Variants in ADGRL4 observed in about 807,000 individuals in gnomAD.
The protein encoded by ADGRL4 is EGF, latrophilin and seven transmembrane domain containing 1.
In ADGRL4, 90 loss-of-function variants were observed where a neutral mutation model predicts 74.8. That is an observed-to-expected ratio of 1.20 (90% CI 1.02 to 1.43). The LOEUF (loss-of-function observed/expected upper bound fraction) is 1.43. ADGRL4 is among the 40% of genes most tolerant of loss of function. The pLI, the probability that ADGRL4 is intolerant of heterozygous loss-of-function variation, is 0.00. For synonymous variants in ADGRL4, 311 were observed against 279.2 expected (o/e 1.11, Z -1.14); for missense variants, 881 against 814.3 (o/e 1.08, Z -1.00).
rs938384847 is a variant in ADGRL4 at position 78,891,641 on chromosome 1, C to T, written c.1893G>A (p.Trp631Ter). The T allele has an allele frequency of 1.9e-6, 3 of 1,613,186 alleles. No individual in the cohort carries two copies. The highest frequency in any genetic ancestry group is 2.5e-6 in the Non-Finnish European group (3 of 1,179,578). Residue 631 changes from tryptophan to a stop codon, truncating the protein, a stop_gained, in exon 14 of 15, where the codon TGG (tryptophan) becomes TGA (stop). Coordinates refer to ENST00000370742, the MANE Select transcript of ADGRL4 (RefSeq NM_022159.4). LOFTEE classifies it high-confidence loss of function. Reference protein sequence around the residue: ...LALLFLLGTTWIFGVLHVVHA... With the variant: ...LALLFLLGTT ...GCACAACATGGAGAACCCCAAAGAT[C>T]CAGGTGGTGCCGAGAAGGAACAGAA...
intron 2 of ADGRL4, among the ~76,000 whole-genome samples, chr1:78,978,976 C>A (rs4650622): frequency 0.029 from 4,429 of 151,820 alleles, 103 homozygotes; most frequent in Non-Finnish European, 0.04. Context: ...ACACTAGCAG[C>A]AGCAATTTTT....
intron 8 of ADGRL4, among the ~76,000 whole-genome samples, chr1:78,922,627 T>G (rs1255008818): frequency 6.6e-6 from 1 of 152,032 alleles, no homozygotes; most frequent in Non-Finnish European, 1.5e-5. Flanking sequence ...ATAAAAACTA[T>G]TTAGTTATAT....
intron 2 of ADGRL4, among the ~76,000 whole-genome samples, chr1:78,956,960 A>T (rs1296870744): frequency 4.1e-4 from 62 of 152,124 alleles, no homozygotes; most frequent in Admixed American, 4.1e-3. Flanking sequence ...CGCTCACTTC[A>T]AGTCTGTGTC....
intron 2 of ADGRL4, among the ~76,000 whole-genome samples, chr1:78,952,608 C>T (rs1649753245): frequency 6.6e-6 from 1 of 151,906 alleles, no homozygotes; most frequent in African/African-American, 2.4e-5. Context: ...TCAGTCAAGA[C>T]AAATAATAGA....
At chr1:78,958,791 G>A (rs1288856451) in intron 2 of ADGRL4, among the ~76,000 whole-genome samples, 1 of 152,178 alleles carries the variant, frequency 6.6e-6, no homozygotes, top group Non-Finnish European at 1.5e-5. Context: ...GATATTCCAT[G>A]GGTAAAGTGC....
chr1:78,972,682 C>T (rs1382593312), intron 2 of ADGRL4, among the ~76,000 whole-genome samples: 4 of 152,144 alleles, frequency 2.6e-5, no homozygotes, highest in Admixed American at 6.6e-5. Flanking sequence ...TGCTTATTGC[C>T]GAAGCATTCT....
chr1:78,900,177 G>A (rs1037459264), intron 12 of ADGRL4, among the ~76,000 whole-genome samples: 1 of 152,198 alleles, frequency 6.6e-6, no homozygotes, highest in East Asian at 1.9e-4. Context: ...TTGAGTAGGA[G>A]CCCCGTCTCA....
chr1:78,916,337 T>C (rs1382734011), intron 12 of ADGRL4, among the ~76,000 whole-genome samples: 1 of 151,892 alleles, frequency 6.6e-6, no homozygotes, highest in Non-Finnish European at 1.5e-5. Flanking sequence ...ATGGCAAAGA[T>C]GGATTTTCCT....
chr1:79,002,146 A>G (rs1043483929), intron 2 of ADGRL4, among the ~76,000 whole-genome samples: 1 of 152,120 alleles, frequency 6.6e-6, no homozygotes, highest in East Asian at 1.9e-4. Context: ...AGATAAATGC[A>G]TGAAAATTAT....
Position 78,891,531 on chromosome 1 carries a change from G to A in ADGRL4, c.2003C>T (p.Ser668Phe), listed in dbSNP as rs1648273391. ...MFIFLFLCVL[S>F]RKIQEEYYRL... The stretch of plus-strand genomic sequence containing the variant: ...AAATAAGAAATTGTTTACCTTTCTA[G>A]ATAAAACACACAGGAATAAAAAAAT... Residue 668 changes from serine (S) to phenylalanine (F), a missense_variant, in exon 14 of 15, where the codon TCT (serine) becomes TTT (phenylalanine). By Grantham distance (155) the Ser-to-Phe change is radical. Coordinates refer to ENST00000370742, the MANE Select transcript of ADGRL4 (RefSeq NM_022159.4). The A allele has an allele frequency of 3.7e-6, 6 of 1,612,466 alleles. No homozygotes were observed. The highest frequency in any genetic ancestry group is 5.1e-6 in the Non-Finnish European group (6 of 1,179,416).
chr1:78,936,182 A>G, intron 7 of ADGRL4, 113 bp downstream of exon 7: 1 of 1,105,190 alleles, frequency 9.0e-7, no homozygotes, highest in Non-Finnish European at 1.3e-6. Context: ...ACATACATCA[A>G]ATGTTTTTAT....
At chr1:78,987,287 C>A (rs1359180555) in intron 2 of ADGRL4, among the ~76,000 whole-genome samples, 1 of 151,742 alleles carries the variant, frequency 6.6e-6, no homozygotes, top group Non-Finnish European at 1.5e-5. Flanking sequence ...AAACGCACTC[C>A]AAAGTGTGTG....
intron 2 of ADGRL4, among the ~76,000 whole-genome samples, chr1:78,993,137 A>G (rs923639496): frequency 3.3e-5 from 5 of 152,140 alleles, no homozygotes; most frequent in Non-Finnish European, 7.4e-5. Context: ...TTGAGGATGT[A>G]CACAATATTT....
At chr1:78,939,346 TTATTTAAA>T in intron 3 of ADGRL4, 88 bp from the exon 4 acceptor site, 1 of 1,209,276 alleles carries the variant, frequency 8.3e-7, no homozygotes, top group East Asian at 3.1e-5. Flanking sequence ...TCTTTCTCAC[TTATTTAAA>T]TATTAAAAAG....
intron 6 of ADGRL4, among the ~76,000 whole-genome samples, chr1:78,936,735 T>C (rs1428130335): frequency 6.6e-6 from 1 of 152,202 alleles, no homozygotes; most frequent in Non-Finnish European, 1.5e-5. Flanking sequence ...GCTTACAGAA[T>C]AGTGTCTACA....
chr1:78,899,752 T>G (rs1207380042), intron 12 of ADGRL4, among the ~76,000 whole-genome samples: 1 of 152,100 alleles, frequency 6.6e-6, no homozygotes, highest in Non-Finnish European at 1.5e-5. Flanking sequence ...TTTTGTCTTC[T>G]GTCTGATTTT....
At chr1:78,938,685 A>G (rs1464162535) in intron 4 of ADGRL4, among the ~76,000 whole-genome samples, 2 of 152,098 alleles carry the variant, frequency 1.3e-5, no homozygotes, top group African/African-American at 4.8e-5. Context: ...TTAATCAACC[A>G]AAGAAAATTC....
intron 2 of ADGRL4, among the ~76,000 whole-genome samples, chr1:78,965,880 A>G (rs1171739689): frequency 6.6e-6 from 1 of 152,176 alleles, no homozygotes; most frequent in African/African-American, 2.4e-5. Flanking sequence ...CTGACACTCT[A>G]AAATATTAAG....
intron 12 of ADGRL4, among the ~76,000 whole-genome samples, chr1:78,900,622 G>C (rs1359951953): frequency 1.3e-5 from 2 of 152,118 alleles, no homozygotes; most frequent in Non-Finnish European, 2.9e-5. Flanking sequence ...TTGTGACAGA[G>C]TTCTCATGAG....
Sources: allele counts gnomAD v4.1 joint callset (sites outside exome capture counted in the v4.1 genomes callset), GRCh38; gene constraint gnomAD v4.1.1; transcripts MANE v1.5; gene names NCBI Gene and HGNC (gene_info 2026-07-23, HGNC 2026-07-21).